Variants in NIPSNAP3B observed in about 807,000 individuals in gnomAD.
NIPSNAP3B encodes the protein protein NipSnap homolog 3B.
A neutral mutation model predicts 31.5 loss-of-function variants in NIPSNAP3B; 30 were observed. The observed-to-expected ratio is 0.95, with a 90% CI of 0.71 to 1.29. The LOEUF is 1.29. Ranked by LOEUF, NIPSNAP3B falls within the 50% of genes most tolerant of loss-of-function variation. NIPSNAP3B has a pLI of 0.00. For missense variants in NIPSNAP3B, 269 were observed against 300.7 expected (o/e 0.89, Z 0.78); for synonymous variants, 106 against 107.9 (o/e 0.98, Z 0.11).
the NIPSNAP3B span, chr9:104,786,471 C>A: frequency 8.1e-7 from 1 of 1,229,396 alleles, no homozygotes; most frequent in Non-Finnish European, 1.2e-6. Flanking sequence ...TCCAGCATTC[C>A]AGCTTCCTAG....
the NIPSNAP3B span, chr9:104,786,801 C>A: frequency 1.5e-6 from 2 of 1,344,126 alleles, no homozygotes; most frequent in Non-Finnish European, 2.1e-6. Flanking sequence ...CTAATTTTTA[C>A]AAAATGATCG....
chr9:104,790,875 T>C, the NIPSNAP3B span: 1 of 1,307,094 alleles, frequency 7.7e-7, no homozygotes, highest in Non-Finnish European at 1.1e-6. Flanking sequence ...TTAAATAAAT[T>C]AAAAACAAAG....
the NIPSNAP3B span, among the ~76,000 whole-genome samples, chr9:104,787,258 G>T: frequency 6.6e-6 from 1 of 152,054 alleles, no homozygotes; most frequent in East Asian, 1.9e-4. Context: ...CCATTTAGTT[G>T]TAATTATCTT....
At chr9:104,783,553 G>A in the NIPSNAP3B span, 1 of 152,184 alleles carries the variant, frequency 6.6e-6, no homozygotes, top group African/African-American at 2.4e-5. Flanking sequence ...AGTCTCATAA[G>A]GATGACCCTG....
chr9:104,768,849 T>C lies in NIPSNAP3B; in HGVS notation c.272-14T>C. 1 of 1,588,910 alleles carries C rather than the reference T, an allele frequency of 6.3e-7. No individual in the cohort carries two copies. Among genetic ancestry groups the C allele is most frequent in the Non-Finnish European group, 8.5e-7 (1 of 1,170,454 alleles). ...AAATAAAAAAACATTTTCTTAACTA[T>C]TTTCCTCCCATAGATAATTTTGCTC... On this transcript the variant is annotated splice_polypyrimidine_tract_variant and intron_variant, in intron 2 of 5. Transcript: ENST00000374762.
chr9:104,779,136 T>C (rs1268045763), downstream of NIPSNAP3B, among the ~76,000 whole-genome samples: 1 of 152,206 alleles, frequency 6.6e-6, no homozygotes, highest in Non-Finnish European at 1.5e-5. Flanking sequence ...TTTTATTCGA[T>C]TCTGAGCATG....
At chr9:104,787,312 C>G in the NIPSNAP3B span, among the ~76,000 whole-genome samples, 8,142 of 151,788 alleles carry the variant, frequency 0.054, 525 homozygotes, top group East Asian at 0.34. Flanking sequence ...TTGTCTGAAA[C>G]CTCTATTGAA....
At chr9:104,767,269 G>C (rs1215520640) in intron 2 of NIPSNAP3B, among the ~76,000 whole-genome samples, 1 of 151,966 alleles carries the variant, frequency 6.6e-6, no homozygotes, top group Admixed American at 6.6e-5. Context: ...AGAGTTTCAA[G>C]GAATTCTTTC....
chr9:104,784,108 C>G, the NIPSNAP3B span: 1 of 601,268 alleles, frequency 1.7e-6, no homozygotes, highest in Non-Finnish European at 2.9e-6. Context: ...GAGAGCCATA[C>G]AAGACATAGG....
downstream of NIPSNAP3B, among the ~76,000 whole-genome samples, chr9:104,779,528 T>C (rs1409906829): frequency 1.3e-5 from 2 of 152,064 alleles, no homozygotes; most frequent in Non-Finnish European, 2.9e-5. Flanking sequence ...TACTCATATG[T>C]AAAATGGTAC....
At chr9:104,767,321 C>T (rs1828109901) in intron 2 of NIPSNAP3B, among the ~76,000 whole-genome samples, 1 of 152,080 alleles carries the variant, frequency 6.6e-6, no homozygotes, top group Non-Finnish European at 1.5e-5. Flanking sequence ...GAGAGACAGT[C>T]CTTCCCATAT....
downstream of NIPSNAP3B, among the ~76,000 whole-genome samples, chr9:104,778,676 G>C (rs1273486962): frequency 6.6e-6 from 1 of 152,162 alleles, no homozygotes; most frequent in African/African-American, 2.4e-5. Flanking sequence ...CTTACATGCA[G>C]TCTGTCAGCA....
the NIPSNAP3B span, chr9:104,785,610 C>A: frequency 1.2e-6 from 2 of 1,614,032 alleles, no homozygotes; most frequent in South Asian, 2.2e-5. Flanking sequence ...CCCTGCTATT[C>A]GTACAACTAT....
At chr9:104,785,321 G>C in the NIPSNAP3B span, 43 of 1,583,186 alleles carry the variant, frequency 2.7e-5, no homozygotes, top group Non-Finnish European at 3.5e-5. Flanking sequence ...AACTGCTCTT[G>C]GACCTATGGG....
intron 3 of NIPSNAP3B, among the ~76,000 whole-genome samples, chr9:104,770,399 A>T (rs982692335): frequency 1.3e-5 from 2 of 152,200 alleles, no homozygotes; most frequent in Admixed American, 6.5e-5. Flanking sequence ...AGAAAATTAT[A>T]CAAAGGAAAA....
At chr9:104,770,460 A>G (rs1191752558) in intron 3 of NIPSNAP3B, among the ~76,000 whole-genome samples, 1 of 152,200 alleles carries the variant, frequency 6.6e-6, no homozygotes, top group East Asian at 1.9e-4. Context: ...GGATATCAGA[A>G]AGTACTTCTC....
chr9:104,768,774 T>G, intron 2 of NIPSNAP3B, 89 bp from the exon 3 acceptor site: 1 of 1,164,998 alleles, frequency 8.6e-7, no homozygotes, highest in Non-Finnish European at 1.2e-6. Flanking sequence ...CATATGGCCT[T>G]GCACGTTTGC....
At chr9:104,790,234 CG>C in the NIPSNAP3B span, among the ~76,000 whole-genome samples, 2 of 152,072 alleles carry the variant, frequency 1.3e-5, no homozygotes, top group Admixed American at 6.6e-5. Context: ...AATGGCCTAA[CG>C]GTGGCTCAGT....
At chr9:104,781,501 T>C (rs1588176287), downstream of NIPSNAP3B, 1 of 152,616 alleles carries the variant, frequency 6.6e-6, no homozygotes, top group African/African-American at 2.4e-5. Flanking sequence ...TTACCTGATA[T>C]ATACAACCAC....
Sources: gnomAD v4.1 joint callset for allele counts (sites outside exome capture counted in the v4.1 genomes callset) on GRCh38, gnomAD v4.1.1 for gene constraint, MANE v1.5 for transcripts, NCBI Gene and HGNC (gene_info 2026-07-23, HGNC 2026-07-21) for gene names.